Variants in CEP250 observed in about 807,000 individuals in gnomAD.
CEP250 encodes centrosomal protein 250.
CEP250 carries 242 observed loss-of-function variants against 315.7 expected under a neutral mutation model. That is an observed-to-expected ratio of 0.77 (90% CI 0.69 to 0.85). The LOEUF is 0.85. CEP250 is among the 40% of genes least tolerant of loss of function. The probability of loss-of-function intolerance (pLI) is 0.00; values close to 1 mark genes in which losing one functional copy is unlikely to be tolerated. For missense variants in CEP250, 2,515 were observed against 2,886.4 expected (o/e 0.87, Z 2.95); for synonymous variants, 1,088 against 1,175.0 (o/e 0.93, Z 1.51).
rs375512982 is a variant in CEP250, at chr20:35,462,485, C to G, written c.118C>G (p.Arg40Gly). 1 of 1,609,142 alleles carries G rather than the reference C, an allele frequency of 6.2e-7. No individual in the cohort carries two copies. The highest frequency in any genetic ancestry group is 8.5e-7 in the Non-Finnish European group (1 of 1,177,728). ...GGCAGAGAATCAGGCAGCCTCCTGG[C>G]GGAAGCTGAAGAACTCCCAGGAGGC... Reference protein sequence around the residue: ...QMAENQAASWRKLKNSQEAQQ... With the variant: ...QMAENQAASWGKLKNSQEAQQ... Residue 40 changes from arginine (R) to glycine (G), a missense_variant, in exon 4 of 35, where the codon CGG becomes GGG. Physicochemically the swap from Arg to Gly is moderately radical, Grantham distance 125. Transcript: ENST00000397527.
At chr20:35,505,718 A>G (rs2064168338) in intron 30 of CEP250, among the ~76,000 whole-genome samples, 1 of 150,744 alleles carries the variant, frequency 6.6e-6, no homozygotes, top group African/African-American at 2.4e-5. Context: ...CAGGTTGAGG[A>G]GGAGCATTCA....
chr20:35,497,045 A>C (rs2063858009), intron 25 of CEP250, among the ~76,000 whole-genome samples: 1 of 152,106 alleles, frequency 6.6e-6, no homozygotes, highest in South Asian at 2.1e-4. Flanking sequence ...TAGCAGGGAG[A>C]ATGAGCAACC....
chr20:35,472,180 C>T, intron 11 of CEP250, 29 bp downstream of exon 11: 1 of 1,302,588 alleles, frequency 7.7e-7, no homozygotes, highest in Admixed American at 1.7e-5. Context: ...TTCATGGTAA[C>T]CAGGTTATGC....
rs561112133 is a variant in CEP250 at position 35,506,940 on chromosome 20, T to C, written c.6637-798T>C. ...AGGAGGGCACTTCCCACCCATACTC[T>C]TGGGTTACTGAGCAGTATTCACTCA... On this transcript the variant is annotated intron_variant, in intron 30 of 34. Coordinates refer to ENST00000397527, the MANE Select transcript of CEP250 (RefSeq NM_007186.6). Among the ~76,000 whole-genome samples the C allele has an allele frequency of 4.6e-5, 7 of 152,312 alleles. No individual in the cohort carries two copies. In the East Asian group the frequency reaches 1.2e-3, roughly 25 times the overall value.
In CEP250 at chr20:35,476,507, C is replaced by T. The variant is rs766689248; in HGVS notation, c.1775C>T (p.Ala592Val). The part of the protein sequence containing the change: ...SSENTLKTEV[A>V]DLRAAAVKLS... Reference sequence around the variant, plus strand: ...GAAAACACCCTGAAGACAGAAGTAGCTGATCTTCGGGCTGCAGCTGTCAAG... The same window carrying T: ...GAAAACACCCTGAAGACAGAAGTAGTTGATCTTCGGGCTGCAGCTGTCAAG... The change falls in exon 16 of 35, where the codon GCT (alanine) becomes GTT (valine). Residue 592 changes from alanine to valine, a missense_variant. Ala to Val is a moderately conservative substitution (Grantham distance 64, BLOSUM62 0). Coordinates refer to ENST00000397527, the MANE Select transcript of CEP250 (RefSeq NM_007186.6). 6.2e-7 allele frequency: 1 copy of T among 1,613,982 alleles called. No homozygotes were observed. Among genetic ancestry groups the T allele is most frequent in the Non-Finnish European group, 8.5e-7 (1 of 1,179,946 alleles).
At position 35,519,062 on chromosome 20, in the gene CEP250, A is replaced by G. The variant is rs375550897; in HGVS notation, c.*7436A>G. Reference sequence around the variant, plus strand: ...AAAAAAAAAATACGAAAAACAAAAAACATAATCTGGATTGCAGGGCTGATC... The same window carrying G: ...AAAAAAAAAATACGAAAAACAAAAAGCATAATCTGGATTGCAGGGCTGATC... On this transcript the variant is annotated 3_prime_UTR_variant, in exon 35 of 35. Transcript: ENST00000397527. The G allele has an allele frequency of 6.6e-6, 1 of 151,954 alleles. No individual in the cohort carries two copies. The highest frequency in any genetic ancestry group is 2.4e-5 in the African/African-American group (1 of 41,472). The allele number at this position is 151,954 out of a possible 1,614,324, so 9.4% of individuals were successfully genotyped here.
intron 10 of CEP250, among the ~76,000 whole-genome samples, chr20:35,471,512 T>C (rs6060431): frequency 0.34 from 52,166 of 152,038 alleles, 10,356 homozygotes; most frequent in African/African-American, 0.54. Flanking sequence ...TGTCTTTAGG[T>C]CTTCACTAAC....
In CEP250 at chr20:35,498,554, A is replaced by G. The variant is rs3762192; in HGVS notation, c.3656-41A>G. ...TGGAGAGGTCTGGCTGTTTCTTTTC[A>G]TAGTGGCAGCCAGGTAAGGAGGTTT... On this transcript the variant is annotated intron_variant, in intron 26 of 34. Transcript: ENST00000397527. 329 of 1,601,122 alleles carry G rather than the reference A, an allele frequency of 2.1e-4. 2 individuals carry two copies. In the East Asian group the frequency reaches 7.4e-3, roughly 36 times the overall value.
intron 14 of CEP250, among the ~76,000 whole-genome samples, chr20:35,475,209 C>T (rs4911502): frequency 0.32 from 48,714 of 152,016 alleles, 8,682 homozygotes; most frequent in South Asian, 0.5. Flanking sequence ...TCCCTTCCCC[C>T]TTTAGGCAAC....
chr20:35,478,986 CCTT>C (rs2063257650), intron 17 of CEP250, among the ~76,000 whole-genome samples: 1 of 152,204 alleles, frequency 6.6e-6, no homozygotes, highest in Non-Finnish European at 1.5e-5. Flanking sequence ...GCCAAAACCT[CCTT>C]AGGGGCAGGT....
chr20:35,468,541 C>T (rs1018991565), intron 9 of CEP250, among the ~76,000 whole-genome samples: 9 of 152,182 alleles, frequency 5.9e-5, no homozygotes, highest in Non-Finnish European at 1.0e-4. Context: ...GAGGTACATA[C>T]ATAAAATGCA....
At chr20:35,468,599 AAGC>A (rs1038658890) in intron 9 of CEP250, among the ~76,000 whole-genome samples, 9 of 152,224 alleles carry the variant, frequency 5.9e-5, no homozygotes, top group African/African-American at 2.2e-4. Context: ...AGAAGTACAA[AAGC>A]AGGCCATGTC....
chr20:35,503,777 G>A lies in CEP250; in HGVS notation c.5408G>A (p.Ser1803Asn), dbSNP rs765875340. 6.2e-7 allele frequency: 1 copy of A among 1,613,974 alleles called. No homozygotes were observed. The highest frequency in any genetic ancestry group is 8.5e-7 in the Non-Finnish European group (1 of 1,180,012). ...QGELKEQSLQ[S>N]QLDEAQRALA... ...GAGCTGAAGGAGCAGTCACTTCAGA[G>A]TCAACTGGATGAGGCCCAGAGAGCC... Residue 1803 changes from serine (S) to asparagine (N), a missense_variant, in exon 30 of 35, where the codon AGT becomes AAT. Physicochemically the swap from Ser to Asn is conservative, Grantham distance 46. Transcript: ENST00000397527. The surrounding 1 kb of genome is among the most constrained non-coding windows in gnomAD (Gnocchi z 4.2).
In CEP250 at chr20:35,472,712, G is replaced by A. The variant is rs1452693216; in HGVS notation, c.1090G>A (p.Gly364Ser). 6.2e-7 allele frequency: 1 copy of A among 1,614,114 alleles called. No homozygotes were observed. The highest frequency in any genetic ancestry group is 1.1e-5 in the South Asian group (1 of 91,078). ...AGGGGACAATATAGCCCAAGGCTCT[G>A]GTCATGAGAACTCTTTGGAATTGGA... ...EEGDNIAQGSGHENSLELDSS... is the reference protein window; with the variant it reads ...EEGDNIAQGSSHENSLELDSS... Residue 364 changes from glycine (G) to serine (S), a missense_variant, in exon 12 of 35, where the codon GGT becomes AGT. Physicochemically the swap from Gly to Ser is moderately conservative, Grantham distance 56. Transcript: ENST00000397527.
intron 28 of CEP250, among the ~76,000 whole-genome samples, chr20:35,500,754 C>T (rs2063980666): frequency 6.6e-6 from 1 of 152,224 alleles, no homozygotes; most frequent in African/African-American, 2.4e-5. Context: ...GATCTAGATG[C>T]ACTTCCAAAG....
In CEP250 at chr20:35,456,958, T is replaced by A. The variant is rs1024349940; in HGVS notation, c.-298+1207T>A. ...CACCGTGCCTGGCTAATTTTTGTAT[T>A]TCTAGGAGAGATGGGGTTTTGCCAT... On this transcript the variant is annotated intron_variant, in intron 1 of 34. Transcript: ENST00000397527. Among the ~76,000 whole-genome samples the A allele has an allele frequency of 7.2e-5, 11 of 152,214 alleles. No individual in the cohort carries two copies. In the East Asian group the frequency reaches 2.1e-3, roughly 29 times the overall value.
intron 20 of CEP250, among the ~76,000 whole-genome samples, 171 bp from the exon 21 acceptor site, chr20:35,490,466 T>G (rs147137116): frequency 6.6e-6 from 1 of 152,182 alleles, no homozygotes; most frequent in Non-Finnish European, 1.5e-5. Flanking sequence ...TTTGGTAAGA[T>G]AGATAAGGCA....
rs1397944334 is a variant in CEP250, at chr20:35,504,522, G to A, written c.6153G>A (p.Leu2051=). Residue 2051 remains leucine, a synonymous_variant, in exon 30 of 35, where the codon CTG becomes CTA. Transcript: ENST00000397527. Reference sequence around the variant, plus strand: ...CACTTGCCCAGAGGGATGAAGAGCTGAGACATCAGCAGGAACGGGAGCAGC... The same window carrying A: ...CACTTGCCCAGAGGGATGAAGAGCTAAGACATCAGCAGGAACGGGAGCAGC... ...QQALAQRDEE[L]RHQQEREQLL... The A allele has an allele frequency of 6.2e-7, 1 of 1,614,030 alleles. No individual in the cohort carries two copies. The highest frequency in any genetic ancestry group is 1.7e-5 in the Admixed American group (1 of 59,994).
Position 35,472,127 on chromosome 20 carries a change from G to T in CEP250, c.1026G>T (p.Gln342His). 1 of 1,611,286 alleles carries T rather than the reference G, an allele frequency of 6.2e-7. No individual in the cohort carries two copies. The highest frequency in any genetic ancestry group is 1.1e-5 in the South Asian group (1 of 91,032). Residue 342 changes from glutamine to histidine, a missense_variant, in exon 11 of 35, where the codon CAG becomes CAT. By Grantham distance (24) the Gln-to-His change is conservative (BLOSUM62 0). Coordinates refer to ENST00000397527, the MANE Select transcript of CEP250 (RefSeq NM_007186.6). ...RNAQEEKLSLQQVIKDITQVM... is the reference protein window; with the variant it reads ...RNAQEEKLSLHQVIKDITQVM... Reference sequence around the variant, plus strand: ...CGCAAGAGGAGAAGTTGTCTTTACAGCAGGTGATCAAGGATATAACCCAGG... The same window carrying T: ...CGCAAGAGGAGAAGTTGTCTTTACATCAGGTGATCAAGGATATAACCCAGG...
Sources: allele counts gnomAD v4.1 joint callset (sites outside exome capture counted in the v4.1 genomes callset), GRCh38; gene constraint gnomAD v4.1.1; non-coding constraint Gnocchi (gnomAD v3.1); transcripts MANE v1.5; gene names NCBI Gene and HGNC (gene_info 2026-07-23, HGNC 2026-07-21).